ITSN2: variants seen among roughly 807,000 people sequenced by gnomAD.
ITSN2 encodes the protein intersectin-2.
A neutral mutation model predicts 243.7 loss-of-function variants in ITSN2; 156 were observed. That is an observed-to-expected ratio of 0.64 (90% confidence interval 0.56 to 0.73). The LOEUF (loss-of-function observed/expected upper bound fraction) is 0.73. ITSN2 is among the 30% of genes least tolerant of loss of function. The pLI, the probability that ITSN2 is intolerant of heterozygous loss-of-function variation, is 0.00. For synonymous variants in ITSN2, 703 were observed against 699.9 expected (o/e 1.00, Z -0.07); for missense variants, 1,801 against 1,996.1 (o/e 0.90, Z 1.86).
chr2:24,313,508 T>G lies in ITSN2; in HGVS notation c.140A>C (p.Asn47Thr), dbSNP rs1399389064. 2 of 1,613,054 alleles carry G rather than the reference T, an allele frequency of 1.2e-6. No homozygotes were observed. The part of the protein sequence containing the change: ...GGYITGDQAR[N>T]FFLQSGLPAP... The stretch of plus-strand genomic sequence containing the variant: ...CGGCAGACCTGATTGTAGGAAAAAA[T>G]TACGTGCTTGATCACCTGGAGGTAA... Residue 47 changes from asparagine (N) to threonine (T), a missense_variant, in exon 4 of 40, where the codon AAT becomes ACT. By Grantham distance (65) the Asn-to-Thr change is moderately conservative (BLOSUM62 0). This residue lies in a region of ITSN2 where 77 missense variants were observed against 90.1 expected (regional missense o/e 0.85). Transcript: ENST00000355123.
intron 29 of ITSN2, among the ~76,000 whole-genome samples, chr2:24,227,173 C>G (rs1450516701): frequency 6.6e-6 from 1 of 151,704 alleles, no homozygotes; most frequent in Non-Finnish European, 1.5e-5. Context: ...GCTGGTGATA[C>G]CCTTAGGGTG....
chr2:24,331,175 A>T (rs190613022), intron 1 of ITSN2, among the ~76,000 whole-genome samples: 175 of 149,318 alleles, frequency 1.2e-3, no homozygotes, highest in Admixed American at 3.7e-3. Flanking sequence ...AGGTTCAAGC[A>T]ATTCTCCTGC....
chr2:24,333,165 A>G (rs942494890), intron 1 of ITSN2, among the ~76,000 whole-genome samples: 2 of 152,216 alleles, frequency 1.3e-5, no homozygotes, highest in Non-Finnish European at 2.9e-5. Context: ...TAAGCCCATG[A>G]ACTTCCCATG....
intron 23 of ITSN2, among the ~76,000 whole-genome samples, chr2:24,255,742 C>T (rs1574033522): frequency 6.6e-6 from 1 of 152,108 alleles, no homozygotes; most frequent in Admixed American, 6.5e-5. Context: ...GCCTGGCCAA[C>T]GTAGTGAAAC....
chr2:24,220,978 CT>C lies in ITSN2; in HGVS notation c.3665del (p.Glu1222GlyfsTer31), dbSNP rs1215321354. 1.2e-6 allele frequency: 2 copies of C among 1,609,972 alleles called. No individual in the cohort carries two copies. Among genetic ancestry groups the C allele is most frequent in the Admixed American group, 3.4e-5 (2 of 59,278 alleles). On this transcript the variant is annotated frameshift_variant, in exon 30 of 40. Coordinates refer to ENST00000355123, the MANE Select transcript of ITSN2 (RefSeq NM_006277.3). LOFTEE classifies it high-confidence loss of function. ...GYIHELIQTE[E>X]RYMADLQLVV... Reference sequence around the variant, plus strand: ...CGAGCTGAAGGTCAGCCATGTACCGCTCTTCGGTCTGAATCAGCTCATGAAT... The same window carrying C: ...CGAGCTGAAGGTCAGCCATGTACCGCCTTCGGTCTGAATCAGCTCATGAAT...
chr2:24,205,050 G>A (rs1000664340), intron 38 of ITSN2, among the ~76,000 whole-genome samples, 164 bp downstream of exon 38: 1 of 152,156 alleles, frequency 6.6e-6, no homozygotes, highest in Non-Finnish European at 1.5e-5. Flanking sequence ...AGGAGGCTAA[G>A]CCTTGAGAAT....
chr2:24,256,201 C>A (rs897195342), intron 23 of ITSN2, among the ~76,000 whole-genome samples: 2 of 152,184 alleles, frequency 1.3e-5, no homozygotes, highest in African/African-American at 4.8e-5. Flanking sequence ...TCCAGCCTGG[C>A]CGAAAGAGCG....
intron 17 of ITSN2, among the ~76,000 whole-genome samples, chr2:24,278,227 C>T (rs1445939219): frequency 7.2e-5 from 11 of 152,168 alleles, no homozygotes; most frequent in Admixed American, 7.2e-4. Flanking sequence ...TAACCCTATT[C>T]CCTGCAGTGT....
chr2:24,272,481 G>C (rs1217380487), intron 18 of ITSN2, among the ~76,000 whole-genome samples: 1 of 147,238 alleles, frequency 6.8e-6, no homozygotes, highest in Non-Finnish European at 1.5e-5. Context: ...GCCCAGGCTA[G>C]AGTACAGTGG....
At chr2:24,217,122 G>A (rs1301100472) in intron 31 of ITSN2, among the ~76,000 whole-genome samples, 4 of 149,596 alleles carry the variant, frequency 2.7e-5, no homozygotes, top group Non-Finnish European at 4.4e-5. Context: ...GGTGGTGGGT[G>A]CCTGTTGTCC....
chr2:24,310,574 G>C lies in ITSN2; in HGVS notation c.471C>G (p.Pro157=). 6.2e-7 allele frequency: 1 copy of C among 1,614,136 alleles called. No individual in the cohort carries two copies. The highest frequency in any genetic ancestry group is 2.2e-5 in the East Asian group (1 of 44,888). ...ATGATGTGCTAACAGAAGGCACTAGGGGAGTGGGCATCATTAAGGGAGGAA... is the reference window on the plus strand; with the variant it reads ...ATGATGTGCTAACAGAAGGCACTAGCGGAGTGGGCATCATTAAGGGAGGAA... ...TNLPPLMMPT[P]LVPSVSTSSL... is the part of the protein sequence containing the mutation. The change falls in exon 6 of 40, where the codon CCC becomes CCG. Residue 157 remains proline (P), a synonymous_variant. Transcript: ENST00000355123.
In ITSN2 at chr2:24,219,941, G is replaced by A. The variant is rs374517159; in HGVS notation, c.3699+1004C>T. On this transcript the variant is annotated intron_variant, in intron 30 of 39. Transcript: ENST00000355123. ...CGACCAAGGGCCAGGCTAAGTTTTG[G>A]GAACACAGGATGAAGGCTGCACGGT... Among the ~76,000 whole-genome samples the A allele has an allele frequency of 7.2e-5, 11 of 152,348 alleles. No homozygotes were observed. The East Asian group carries it at 2.1e-3, about 29-fold the overall frequency.
At chr2:24,332,392 G>A (rs537835337) in intron 1 of ITSN2, among the ~76,000 whole-genome samples, 1 of 152,126 alleles carries the variant, frequency 6.6e-6, no homozygotes, top group African/African-American at 2.4e-5. Context: ...TAGATGCTCA[G>A]TAATCACAGG....
At chr2:24,343,217 C>A (rs1332947318) in intron 1 of ITSN2, among the ~76,000 whole-genome samples, 1 of 151,812 alleles carries the variant, frequency 6.6e-6, no homozygotes, top group South Asian at 2.1e-4. Flanking sequence ...TTAAAACAAC[C>A]TGAAAAATTA....
Position 24,203,437 on chromosome 2 carries a change from T to A in ITSN2, c.*189A>T, listed in dbSNP as rs1573825798. 1.7e-6 allele frequency: 1 copy of A among 578,490 alleles called. No individual in the cohort carries two copies. Among genetic ancestry groups the A allele is most frequent in the East Asian group, 2.8e-5 (1 of 35,450 alleles). The allele number at this position is 578,490 out of a possible 1,614,324, so 35.8% of individuals were successfully genotyped here. On this transcript the variant is annotated 3_prime_UTR_variant, in exon 40 of 40. Coordinates refer to ENST00000355123, the MANE Select transcript of ITSN2 (RefSeq NM_006277.3). The stretch of plus-strand genomic sequence containing the variant: ...CAAGGCACTGTACTATGGGGTTTGG[T>A]TTCTTTATGGGAAAGGTGTTTGCAT...
At chr2:24,288,619 A>T (rs1468108618) in intron 15 of ITSN2, among the ~76,000 whole-genome samples, 1 of 152,156 alleles carries the variant, frequency 6.6e-6, no homozygotes, top group East Asian at 1.9e-4. Flanking sequence ...AAATGGCTAA[A>T]TTCAGCTAAT....
chr2:24,279,792 G>A (rs1412672002), intron 17 of ITSN2, among the ~76,000 whole-genome samples: 1 of 148,528 alleles, frequency 6.7e-6, no homozygotes, highest in Non-Finnish European at 1.5e-5. Context: ...GAGTGCAGTG[G>A]CCCAATCTCA....
intron 25 of ITSN2, among the ~76,000 whole-genome samples, chr2:24,252,131 C>T (rs1016375634): frequency 6.6e-6 from 1 of 152,120 alleles, no homozygotes; most frequent in Admixed American, 6.5e-5. Context: ...AATCTTGCCC[C>T]CTTTATCTAA....
intron 1 of ITSN2, among the ~76,000 whole-genome samples, chr2:24,352,125 A>T (rs1260771299): frequency 2.6e-5 from 4 of 152,186 alleles, no homozygotes; most frequent in African/African-American, 9.7e-5. Flanking sequence ...CATAGTGTAT[A>T]TAGGTTTCTG....
Sources: gnomAD v4.1 joint callset for allele counts (sites outside exome capture counted in the v4.1 genomes callset) on GRCh38, gnomAD v4.1.1 for gene constraint, gnomAD v4.1.1 regional missense constraint, MANE v1.5 for transcripts, NCBI Gene and HGNC (gene_info 2026-07-23, HGNC 2026-07-21) for gene names.